SPAG1: variants seen among roughly 807,000 people sequenced by gnomAD.
The protein encoded by SPAG1 is sperm-associated antigen 1.
Under a neutral mutation model 100.5 loss-of-function variants are expected in SPAG1, and 69 were observed. That is an observed-to-expected ratio of 0.69 (90% CI 0.57 to 0.84). The LOEUF (loss-of-function observed/expected upper bound fraction) is 0.84, where lower values mean the gene tolerates loss of function less well. Ranked by LOEUF, SPAG1 falls within the 40% of genes least tolerant of loss-of-function variation. SPAG1 has a pLI of 0.00. For synonymous variants in SPAG1, 336 were observed against 411.6 expected (o/e 0.82, Z 2.22); for missense variants, 955 against 1,133.1 (o/e 0.84, Z 2.26).
At chr8:100,162,975 TA>T (rs59337077) in intron 2 of SPAG1, among the ~76,000 whole-genome samples, 5,292 of 151,018 alleles carry the variant, frequency 0.035, 139 homozygotes, top group African/African-American at 0.077. Flanking sequence ...AAAATAATAA[TA>T]AAAAAAATAA....
At chr8:100,182,354 C>G (rs1816402826) in intron 4 of SPAG1, among the ~76,000 whole-genome samples, 1 of 152,194 alleles carries the variant, frequency 6.6e-6, no homozygotes, top group Non-Finnish European at 1.5e-5. Context: ...GCTAGCCAAT[C>G]AGTCCTTCCT....
chr8:100,219,654 A>G (rs1014885540), intron 12 of SPAG1, among the ~76,000 whole-genome samples: 4 of 152,234 alleles, frequency 2.6e-5, no homozygotes, highest in Admixed American at 1.3e-4. Flanking sequence ...AAGTAGCTTT[A>G]AACACTTCAA....
chr8:100,179,006 A>G lies in SPAG1; in HGVS notation c.426+1065A>G, dbSNP rs373615865. Reference sequence around the variant, plus strand: ...GCTTCCTGGGAGGCTGAGGCACGAGAATTGCTTGAACCCAGGAGATGGAGG... The same window carrying G: ...GCTTCCTGGGAGGCTGAGGCACGAGGATTGCTTGAACCCAGGAGATGGAGG... On this transcript the variant is annotated intron_variant, in intron 4 of 18. Coordinates refer to ENST00000388798, the MANE Select transcript of SPAG1 (RefSeq NM_003114.5). 2.6e-4 allele frequency among the ~76,000 whole-genome samples: 39 copies of G among 151,146 alleles called. No individual in the cohort carries two copies. The South Asian group carries it at 8.0e-3, about 31-fold the overall frequency.
intron 4 of SPAG1, among the ~76,000 whole-genome samples, chr8:100,181,201 T>C (rs1563778064): frequency 1.3e-5 from 2 of 152,236 alleles, no homozygotes. Context: ...TCCACATTCT[T>C]TTTTTATTTA....
In SPAG1 at chr8:100,240,418, G is replaced by GA. The variant is rs1223208806; in HGVS notation, c.2297dup (p.Glu767GlyfsTer17). ...CTTCATGAAGGTGAATGAAGGCAAGGAGGAGCCTGGAAGACCTGCAGGGGA... is the reference window on the plus strand; with the variant it reads ...CTTCATGAAGGTGAATGAAGGCAAGGAAGGAGCCTGGAAGACCTGCAGGGGA... On this transcript the variant is annotated frameshift_variant, in exon 18 of 19. Transcript: ENST00000388798. LOFTEE classifies it high-confidence loss of function. 2 of 1,597,710 alleles carry GA rather than the reference G, an allele frequency of 1.3e-6. No homozygotes were observed. The highest frequency in any genetic ancestry group is 1.7e-6 in the Non-Finnish European group (2 of 1,175,224).
chr8:100,169,827 A>G (rs1008120161), intron 3 of SPAG1, among the ~76,000 whole-genome samples: 2 of 151,636 alleles, frequency 1.3e-5, no homozygotes, highest in African/African-American at 4.8e-5. Flanking sequence ...TTATTTATTT[A>G]TTTTGTACTC....
intron 16 of SPAG1, among the ~76,000 whole-genome samples, chr8:100,236,445 A>G (rs532572752): frequency 1.5e-4 from 23 of 152,264 alleles, no homozygotes; most frequent in African/African-American, 5.5e-4. Context: ...TGCTTGGCCT[A>G]ATTTCAGGAT....
chr8:100,178,736 TG>T (rs1422750773), intron 4 of SPAG1, among the ~76,000 whole-genome samples: 1 of 152,236 alleles, frequency 6.6e-6, no homozygotes, highest in Non-Finnish European at 1.5e-5. Context: ...TTAGGAATTA[TG>T]CAGGTAATGG....
rs1817423528 is a variant in SPAG1, at chr8:100,204,510, G to GT, written c.1097-8578dup. Among the ~76,000 whole-genome samples the GT allele has an allele frequency of 3.8e-5, 4 of 105,464 alleles. No homozygotes were observed. In the South Asian group the frequency reaches 1.3e-3, roughly 34 times the overall value. 69.2% of individuals were successfully genotyped at this position (105,464 alleles called of 152,430 possible). On this transcript the variant is annotated intron_variant, in intron 10 of 18. Coordinates refer to ENST00000388798, the MANE Select transcript of SPAG1 (RefSeq NM_003114.5). ...TGCTTTTAATGTTGCAGCTTGGAGAGTTAAAAAAAAAAAAGGTTATAATAG... is the reference window on the plus strand; with the variant it reads ...TGCTTTTAATGTTGCAGCTTGGAGAGTTTAAAAAAAAAAAAGGTTATAATAG...
In SPAG1 at chr8:100,190,417, A is replaced by G. The variant is rs192420677; in HGVS notation, c.833-973A>G. 7.2e-4 allele frequency among the ~76,000 whole-genome samples: 109 copies of G among 152,180 alleles called. 1 individual carries two copies. Among genetic ancestry groups the G allele is most frequent in the African/African-American group, 2.5e-3 (104 of 41,540 alleles). On this transcript the variant is annotated intron_variant, in intron 8 of 18. Transcript: ENST00000388798. ...AGTTCTCCTTATATAATAGTTAATG[A>G]TGAGTCTAGAGAGGCATTCATTGTC...
In SPAG1 at chr8:100,206,648, CAAGATATTCCTTCTAAGGTGAAGG is replaced by C. The variant is rs1293054415; in HGVS notation, c.1097-6417_1097-6394del. Among the ~76,000 whole-genome samples the C allele has an allele frequency of 6.6e-4, 100 of 152,248 alleles. 1 individual carries two copies. In the East Asian group the frequency reaches 0.012, roughly 18 times the overall value. ...TCGAGATATTCCTTCTAAGGTGAAG[CAAGATATTCCTTCTAAGGTGAAGG>C]AAGATATTCCTTCTAAGGTGAAGGG... On this transcript the variant is annotated intron_variant, in intron 10 of 18. Coordinates refer to ENST00000388798, the MANE Select transcript of SPAG1 (RefSeq NM_003114.5).
intron 3 of SPAG1, among the ~76,000 whole-genome samples, chr8:100,169,823 AT>A (rs549206007): frequency 2.0e-5 from 3 of 151,662 alleles, no homozygotes; most frequent in Non-Finnish European, 4.4e-5. Context: ...ATATTTATTT[AT>A]TTATTTTGTA....
chr8:100,199,418 G>T (rs1817169267), intron 10 of SPAG1, among the ~76,000 whole-genome samples: 1 of 152,116 alleles, frequency 6.6e-6, no homozygotes, highest in South Asian at 2.1e-4. Context: ...CCTCTTTGGA[G>T]AAATGTCTAT....
At chr8:100,233,304 T>C (rs1055440068) in intron 15 of SPAG1, 107 bp from the exon 16 acceptor site, 15 of 1,240,662 alleles carry the variant, frequency 1.2e-5, no homozygotes, top group African/African-American at 1.5e-5. Flanking sequence ...CGCAGTGGTA[T>C]AGCAACAGAC....
At chr8:100,232,030 A>G (rs1340692502) in intron 15 of SPAG1, among the ~76,000 whole-genome samples, 1 of 152,090 alleles carries the variant, frequency 6.6e-6, no homozygotes, top group Non-Finnish European at 1.5e-5. Context: ...GGAAGGCACC[A>G]GCGTCATTTA....
chr8:100,228,078 A>G (rs974617177), intron 14 of SPAG1, among the ~76,000 whole-genome samples: 9 of 152,024 alleles, frequency 5.9e-5, no homozygotes, highest in Admixed American at 1.3e-4. Context: ...TCCTGGGCTC[A>G]AGTAATCCTT....
rs775744138 is a variant in SPAG1 at position 100,225,228 on chromosome 8, C to T, written c.1744C>T (p.Pro582Ser). ...DGPNWREKLSPIPAVPASVPL... is the reference protein window; with the variant it reads ...DGPNWREKLSSIPAVPASVPL... ...ACCAAATTGGCGGGAGAAGCTGTCA[C>T]CTATTCCTGCTGTGCCTGCTTCTGT... The change falls in exon 14 of 19, where the codon CCT (proline) becomes TCT (serine). Residue 582 changes from proline (P) to serine (S), a missense_variant. By Grantham distance (74) the Pro-to-Ser change is moderately conservative. Transcript: ENST00000388798. 1.2e-6 allele frequency: 2 copies of T among 1,613,866 alleles called. No homozygotes were observed. Among genetic ancestry groups the T allele is most frequent in the Non-Finnish European group, 8.5e-7 (1 of 1,179,890 alleles).
Position 100,187,162 on chromosome 8 carries a change from A to ATTTCT in SPAG1, c.744_745insTTTCT (p.Ala249PhefsTer25). The stretch of plus-strand genomic sequence containing the variant: ...CCACTGTAGTTGCCTATAACAATCG[A>ATTTCT]GCTCAAGCAGAAATCAAATTACAGA... On this transcript the variant is annotated frameshift_variant, in exon 8 of 19. Coordinates refer to ENST00000388798, the MANE Select transcript of SPAG1 (RefSeq NM_003114.5). LOFTEE classifies it high-confidence loss of function. 1 of 1,613,232 alleles carries ATTTCT rather than the reference A, an allele frequency of 6.2e-7. No homozygotes were observed. Among genetic ancestry groups the ATTTCT allele is most frequent in the Non-Finnish European group, 8.5e-7 (1 of 1,179,484 alleles).
intron 3 of SPAG1, among the ~76,000 whole-genome samples, chr8:100,172,049 C>T (rs895107383): frequency 6.6e-5 from 10 of 152,006 alleles, no homozygotes; most frequent in Non-Finnish European, 1.0e-4. Flanking sequence ...CACGTGCCAC[C>T]GCGCCCAGCT....
Sources: gnomAD v4.1 joint callset for allele counts (sites outside exome capture counted in the v4.1 genomes callset) on GRCh38, gnomAD v4.1.1 for gene constraint, MANE v1.5 for transcripts, NCBI Gene and HGNC (gene_info 2026-07-23, HGNC 2026-07-21) for gene names.